Variants in EHBP1 observed in about 807,000 individuals in gnomAD.
The protein encoded by EHBP1 is EH domain binding protein 1, also known as EH domain-binding protein 1.
Under a neutral mutation model 144.0 loss-of-function variants are expected in EHBP1, and 55 were observed. That is an observed-to-expected ratio of 0.38 (90% CI 0.31 to 0.48). The LOEUF (loss-of-function observed/expected upper bound fraction) is 0.48, where lower values mean the gene tolerates loss of function less well. EHBP1 is among the 20% of genes least tolerant of loss of function. The probability of loss-of-function intolerance (pLI) is 0.98; values close to 1 mark genes in which losing one functional copy is unlikely to be tolerated. For missense variants in EHBP1, 1,200 were observed against 1,364.2 expected, an observed-to-expected ratio of 0.88 and a Z score of 1.90; for synonymous variants, 469 against 472.7, an observed-to-expected ratio of 0.99 and a Z score of 0.10.
intron 5 of EHBP1, among the ~76,000 whole-genome samples, chr2:62,813,581 G>A (rs891625808): frequency 3.3e-5 from 5 of 152,186 alleles, no homozygotes; most frequent in South Asian, 2.1e-4. Flanking sequence ...AGCTGCAGGC[G>A]TGAAACTCCA....
intron 4 of EHBP1, among the ~76,000 whole-genome samples, chr2:62,769,704 C>T (rs543529289): frequency 6.6e-6 from 1 of 151,392 alleles, no homozygotes; most frequent in South Asian, 2.1e-4. Context: ...CCAAGGCAAT[C>T]CTAAGCCAAA....
intron 2 of EHBP1, among the ~76,000 whole-genome samples, chr2:62,712,664 T>C (rs1232364903): frequency 2.6e-5 from 4 of 151,968 alleles, no homozygotes. Flanking sequence ...GAATATAAGC[T>C]GGAAAAGGAG....
Position 62,789,224 on chromosome 2 carries a change from CAAA to C in EHBP1, c.312+17833_312+17835del, listed in dbSNP as rs538806622. ...AGCCATTTCAAATTGTTTTTGGAGG[CAAA>C]GGGTTCAGAATGTACATTAGGAAGA... On this transcript the variant is annotated intron_variant, in intron 5 of 22. Coordinates refer to ENST00000431489, the MANE Select transcript of EHBP1 (RefSeq NM_001142616.3). 7.2e-5 allele frequency among the ~76,000 whole-genome samples: 11 copies of C among 152,118 alleles called. 1 individual carries two copies. The South Asian group carries it at 2.3e-3, about 32-fold the overall frequency.
chr2:62,831,906 T>C (rs2152660482), intron 7 of EHBP1, among the ~76,000 whole-genome samples: 1 of 152,310 alleles, frequency 6.6e-6, no homozygotes, highest in South Asian at 2.1e-4. Context: ...CTTTTGGTTC[T>C]GCCTCAACTC....
At chr2:62,955,480 T>G (rs1423707490) in intron 13 of EHBP1, 37 bp from the exon 14 acceptor site, 3 of 1,579,498 alleles carry the variant, frequency 1.9e-6, no homozygotes, top group South Asian at 1.2e-5. Context: ...TTACCCGTTT[T>G]TTTTTTGGCT....
intron 12 of EHBP1, among the ~76,000 whole-genome samples, chr2:62,945,811 A>G (rs998238040): frequency 6.6e-6 from 1 of 152,226 alleles, no homozygotes; most frequent in Non-Finnish European, 1.5e-5. Flanking sequence ...TGCTGGCCGT[A>G]GAGCAATAAA....
At chr2:62,944,954 G>A (rs2056978896) in intron 12 of EHBP1, among the ~76,000 whole-genome samples, 1 of 152,212 alleles carries the variant, frequency 6.6e-6, no homozygotes, top group African/African-American at 2.4e-5. Context: ...GTAGAAATCA[G>A]GGTGTCCTTG....
intron 13 of EHBP1, among the ~76,000 whole-genome samples, chr2:62,952,719 G>A (rs2057455285): frequency 6.6e-6 from 1 of 152,126 alleles, no homozygotes; most frequent in Non-Finnish European, 1.5e-5. Flanking sequence ...GAATTCAAAA[G>A]CAACCTTGTC....
intron 3 of EHBP1, among the ~76,000 whole-genome samples, chr2:62,754,529 G>A (rs1016815504): frequency 6.6e-6 from 1 of 152,166 alleles, no homozygotes; most frequent in Admixed American, 6.5e-5. Flanking sequence ...TGTCAGACAG[G>A]GACATTTAAG....
intron 10 of EHBP1, among the ~76,000 whole-genome samples, chr2:62,889,390 C>T (rs1025390858): frequency 2.6e-5 from 4 of 152,018 alleles, no homozygotes; most frequent in African/African-American, 9.7e-5. Context: ...TGTGCAGAAG[C>T]TCTTCAGTTT....
intron 1 of EHBP1, among the ~76,000 whole-genome samples, chr2:62,693,372 T>C (rs1558511957): frequency 1.3e-5 from 2 of 152,174 alleles, no homozygotes; most frequent in African/African-American, 4.8e-5. Context: ...ATTTTTAAAG[T>C]GTATCATTTG....
At chr2:62,726,735 C>T (rs1001266491) in intron 2 of EHBP1, 1 of 152,162 alleles carries the variant, frequency 6.6e-6, no homozygotes, top group Non-Finnish European at 1.5e-5. Context: ...TAACTCACTA[C>T]CAGCCTGGTT....
At chr2:62,773,941 A>T (rs1170652006) in intron 5 of EHBP1, among the ~76,000 whole-genome samples, 5 of 149,926 alleles carry the variant, frequency 3.3e-5, no homozygotes, top group Non-Finnish European at 7.4e-5. Flanking sequence ...AGAAAATTTG[A>T]AAAGTAGACC....
At chr2:63,026,355 TA>T (rs2060983411) in intron 19 of EHBP1, among the ~76,000 whole-genome samples, 2 of 146,444 alleles carry the variant, frequency 1.4e-5, no homozygotes, top group East Asian at 2.0e-4. Flanking sequence ...TCTGTGTGTA[TA>T]GAGAGTGAGA....
At chr2:62,998,575 CCT>C (rs975095879) in intron 19 of EHBP1, among the ~76,000 whole-genome samples, 2 of 152,052 alleles carry the variant, frequency 1.3e-5, no homozygotes, top group Admixed American at 1.3e-4. Flanking sequence ...GTTTCCTCTC[CCT>C]CTTTAGCACT....
chr2:62,871,587 A>G (rs1355357755), intron 9 of EHBP1, among the ~76,000 whole-genome samples: 1 of 152,210 alleles, frequency 6.6e-6, no homozygotes, highest in Non-Finnish European at 1.5e-5. Flanking sequence ...CAATGTCAGT[A>G]GCAGAAATCT....
intron 2 of EHBP1, among the ~76,000 whole-genome samples, chr2:62,738,736 C>T (rs949223234): frequency 2.6e-5 from 4 of 152,094 alleles, no homozygotes; most frequent in African/African-American, 9.7e-5. Flanking sequence ...AATTTATATT[C>T]CAACTCTGCA....
rs866735102 is a variant in EHBP1 at position 62,837,363 on chromosome 2, C to T, written c.634+6205C>T. Among the ~76,000 whole-genome samples, 421 of 143,906 alleles carry T rather than the reference C, an allele frequency of 2.9e-3. 6 individuals carry two copies. Among genetic ancestry groups the T allele is most frequent in the African/African-American group, 9.4e-3 (368 of 39,044 alleles). 94.4% of individuals were successfully genotyped at this position (143,906 alleles called of 152,430 possible). On this transcript the variant is annotated intron_variant, in intron 7 of 22. Coordinates refer to ENST00000431489, the MANE Select transcript of EHBP1 (RefSeq NM_001142616.3). ...AGTGCTAAACATGGAAAGGAACAAC[C>T]GGTACCAGCCGCTGCAAAATCATGC...
At chr2:62,751,511 G>A (rs968247179) in intron 3 of EHBP1, among the ~76,000 whole-genome samples, 8 of 152,154 alleles carry the variant, frequency 5.3e-5, no homozygotes, top group Admixed American at 6.5e-5. Context: ...AGTGAGTTAG[G>A]GAGGATTTCC....
Sources: gnomAD v4.1 joint callset for allele counts (sites outside exome capture counted in the v4.1 genomes callset) on GRCh38, gnomAD v4.1.1 for gene constraint, MANE v1.5 for transcripts, NCBI Gene and HGNC (gene_info 2026-07-23, HGNC 2026-07-21) for gene names.